Variants in ACTR6 observed in about 807,000 individuals in gnomAD.
ACTR6 encodes actin related protein 6, also known as actin-related protein 6.
A neutral mutation model predicts 52.5 loss-of-function variants in ACTR6; 50 were observed. The ratio of observed to expected loss-of-function variants is 0.95; its 90% CI spans 0.76 to 1.20. The LOEUF (loss-of-function observed/expected upper bound fraction) is 1.20, where lower values mean the gene tolerates loss of function less well. ACTR6 is among the 50% of genes most tolerant of loss of function. ACTR6 has a pLI of 0.00. For missense variants in ACTR6, 344 were observed against 472.4 expected, an observed-to-expected ratio of 0.73 and a Z score of 2.52; for synonymous variants, 135 against 147.2, an observed-to-expected ratio of 0.92 and a Z score of 0.60.
intron 6 of ACTR6, among the ~76,000 whole-genome samples, chr12:100,211,289 G>T (rs2096119707): frequency 1.3e-5 from 2 of 152,064 alleles, no homozygotes; most frequent in South Asian, 4.1e-4. Context: ...GTTTCTTTTT[G>T]ATTTTGAGAC....
intron 4 of ACTR6, among the ~76,000 whole-genome samples, chr12:100,209,146 G>GATTACATGAC (rs2096117664): frequency 6.6e-6 from 1 of 152,232 alleles, no homozygotes; most frequent in Admixed American, 6.5e-5. Context: ...TACAGGCTTA[G>GATTACATGAC]ATTACATGAC....
At chr12:100,215,012 C>A (rs2096122919) in intron 8 of ACTR6, among the ~76,000 whole-genome samples, 1 of 152,030 alleles carries the variant, frequency 6.6e-6, no homozygotes. Context: ...ATAGCTGATA[C>A]CTTGTGGAAA....
At chr12:100,202,454 G>C (rs1262942232) in intron 1 of ACTR6, among the ~76,000 whole-genome samples, 1 of 151,700 alleles carries the variant, frequency 6.6e-6, no homozygotes, top group Non-Finnish European at 1.5e-5. Context: ...AATGCTGACA[G>C]TATTATAAGT....
intron 8 of ACTR6, among the ~76,000 whole-genome samples, chr12:100,215,615 T>C (rs546792351): frequency 3.3e-5 from 5 of 152,326 alleles, no homozygotes; most frequent in Admixed American, 3.3e-4. Context: ...ACAAAGTCAG[T>C]TGGAACTGGG....
Position 100,210,368 on chromosome 12 carries a change from A to AT in ACTR6, c.572+19dup. 1 of 1,611,736 alleles carries AT rather than the reference A, an allele frequency of 6.2e-7. No homozygotes were observed. The highest frequency in any genetic ancestry group is 8.5e-7 in the Non-Finnish European group (1 of 1,178,330). On this transcript the variant is annotated intron_variant, in intron 6 of 10. Coordinates refer to ENST00000188312, the MANE Select transcript of ACTR6 (RefSeq NM_022496.5). Reference sequence around the variant, plus strand: ...ATCTTACAGGTGATGCTTAGCTTTGATTCTTTGGGAGGATGGGGCTCTGGG... The same window carrying AT: ...ATCTTACAGGTGATGCTTAGCTTTGATTTCTTTGGGAGGATGGGGCTCTGGG...
At chr12:100,201,521 T>TA (rs895099789) in intron 1 of ACTR6, among the ~76,000 whole-genome samples, 1 of 152,076 alleles carries the variant, frequency 6.6e-6, no homozygotes, top group Non-Finnish European at 1.5e-5. Flanking sequence ...AACAGAGCAT[T>TA]AAAAAAAATT....
At chr12:100,221,490 G>A (rs555457726) in intron 10 of ACTR6, among the ~76,000 whole-genome samples, 249 of 152,156 alleles carry the variant, frequency 1.6e-3, no homozygotes, top group African/African-American at 5.8e-3. Context: ...CAGATTACAG[G>A]CCAAGGGATC....
intron 2 of ACTR6, 125 bp downstream of exon 2, chr12:100,205,182 A>G (rs945609085): frequency 5.1e-6 from 3 of 582,536 alleles, no homozygotes; most frequent in Non-Finnish European, 8.6e-6. Flanking sequence ...CCCAAATTAA[A>G]ATTTAATTGT....
chr12:100,203,338 C>T (rs1377116810), intron 1 of ACTR6, among the ~76,000 whole-genome samples: 1 of 152,158 alleles, frequency 6.6e-6, no homozygotes, highest in Non-Finnish European at 1.5e-5. Context: ...GAGTCTTGCT[C>T]TGTCGCCCAG....
chr12:100,210,675 G>A (rs944605470), intron 6 of ACTR6, among the ~76,000 whole-genome samples: 7 of 150,546 alleles, frequency 4.6e-5, no homozygotes, highest in African/African-American at 7.4e-5. Flanking sequence ...CCGAGATCGC[G>A]CCACTTCACT....
intron 8 of ACTR6, 116 bp downstream of exon 8, chr12:100,212,644 GTC>G: frequency 3.0e-6 from 2 of 662,910 alleles, no homozygotes; most frequent in Non-Finnish European, 5.3e-6. Flanking sequence ...GCAAGCCCCT[GTC>G]TCTATTATAA....
intron 4 of ACTR6, among the ~76,000 whole-genome samples, chr12:100,208,189 T>C (rs528763673): frequency 8.6e-5 from 13 of 152,020 alleles, no homozygotes; most frequent in Admixed American, 2.0e-4. Flanking sequence ...AGCTTGAATA[T>C]GGATATGAAC....
At chr12:100,211,054 G>A (rs1223345218) in intron 6 of ACTR6, among the ~76,000 whole-genome samples, 1 of 152,122 alleles carries the variant, frequency 6.6e-6, no homozygotes, top group Non-Finnish European at 1.5e-5. Context: ...GGGTCTCACA[G>A]TGTTGCCCAT....
Position 100,224,061 on chromosome 12 carries a change from C to T in ACTR6, c.*146C>T. The T allele has an allele frequency of 1.1e-6, 1 of 874,750 alleles. No individual in the cohort carries two copies. The highest frequency in any genetic ancestry group is 3.8e-4 in the Middle Eastern group (1 of 2,666). The allele number at this position is 874,750 out of a possible 1,614,324, so 54.2% of individuals were successfully genotyped here. On this transcript the variant is annotated 3_prime_UTR_variant, in exon 11 of 11. Coordinates refer to ENST00000188312, the MANE Select transcript of ACTR6 (RefSeq NM_022496.5). ...TTGATCGATTGCTAATTTTCAAAGGCTTCTTAGGTAGGTTACTACAGTAAA... is the reference window on the plus strand; with the variant it reads ...TTGATCGATTGCTAATTTTCAAAGGTTTCTTAGGTAGGTTACTACAGTAAA...
At chr12:100,201,039 G>A in intron 1 of ACTR6, 120 bp downstream of exon 1, 1 of 1,561,244 alleles carries the variant, frequency 6.4e-7, no homozygotes, top group Non-Finnish European at 8.7e-7. Context: ...CTTAGCCAGA[G>A]GGATTCCCTG....
At chr12:100,212,983 G>A (rs1009065002) in intron 8 of ACTR6, among the ~76,000 whole-genome samples, 1 of 145,064 alleles carries the variant, frequency 6.9e-6, no homozygotes, top group Non-Finnish European at 1.5e-5. Context: ...CTCCAGCCTG[G>A]GCAACACAGC....
At chr12:100,223,365 AG>A (rs1397574804) in intron 10 of ACTR6, among the ~76,000 whole-genome samples, 2 of 151,904 alleles carry the variant, frequency 1.3e-5, no homozygotes, top group East Asian at 3.9e-4. Context: ...AGAAAGTGGG[AG>A]TAATAGCTAT....
chr12:100,210,321 C>A lies in ACTR6; in HGVS notation c.542C>A (p.Thr181Asn), dbSNP rs2096118790. 1.2e-6 allele frequency: 2 copies of A among 1,613,966 alleles called. No individual in the cohort carries two copies. The highest frequency in any genetic ancestry group is 1.7e-5 in the Admixed American group (1 of 60,000). ...IRINVGGKLL[T>N]NHLKEIISYR... ...ATAAATGTGGGAGGAAAACTCTTAA[C>A]CAATCATCTAAAGGAGATCATATCT... The change falls in exon 6 of 11, where the codon ACC becomes AAC. Residue 181 changes from threonine (T) to asparagine (N), a missense_variant. By Grantham distance (65) the Thr-to-Asn change is moderately conservative. Coordinates refer to ENST00000188312, the MANE Select transcript of ACTR6 (RefSeq NM_022496.5).
chr12:100,210,481 G>T (rs557317967), intron 6 of ACTR6, 130 bp downstream of exon 6: 2 of 957,020 alleles, frequency 2.1e-6, no homozygotes, highest in South Asian at 3.2e-5. Flanking sequence ...CACATTGGGA[G>T]GCCGAGGTGG....
Sources: allele counts gnomAD v4.1 joint callset (sites outside exome capture counted in the v4.1 genomes callset), GRCh38; gene constraint gnomAD v4.1.1; transcripts MANE v1.5; gene names NCBI Gene and HGNC (gene_info 2026-07-23, HGNC 2026-07-21).